CHERP: variants seen among roughly 807,000 people sequenced by gnomAD.
The protein encoded by CHERP is ERPROT 213-21.
In CHERP, 8 loss-of-function variants were observed where a neutral mutation model predicts 113.8. That is an observed-to-expected ratio of 0.07 (90% CI 0.04 to 0.13). The LOEUF (loss-of-function observed/expected upper bound fraction) is 0.13. Ranked by LOEUF, CHERP falls within the 10% of genes least tolerant of loss-of-function variation. The pLI, the probability that CHERP is intolerant of heterozygous loss-of-function variation, is 1.00. For missense variants in CHERP, 884 were observed against 1,298.2 expected (o/e 0.68, Z 4.90); for synonymous variants, 559 against 524.5 (o/e 1.07, Z -0.90).
At position 16,529,702 on chromosome 19, in the gene CHERP, CAGGCGGTGG is replaced by C; in HGVS notation, c.1066_1074del (p.Pro356_Pro358del). ...GCAGGTGCTGGGGCCGGGGGTGGAGCAGGCGGTGGAGGCGTGGCCTTGACTTCAGCCTCC... is the reference window on the plus strand; with the variant it reads ...GCAGGTGCTGGGGCCGGGGGTGGAGCAGGCGTGGCCTTGACTTCAGCCTCC... On this transcript the variant is annotated inframe_deletion, in exon 8 of 17. Transcript: ENST00000546361. The C allele has an allele frequency of 6.3e-7, 1 of 1,585,924 alleles. No homozygotes were observed. The highest frequency in any genetic ancestry group is 8.5e-7 in the Non-Finnish European group (1 of 1,170,428).
intron 7 of CHERP, 59 bp from the exon 8 acceptor site, chr19:16,529,959 G>T: frequency 6.4e-7 from 1 of 1,556,942 alleles, no homozygotes. Context: ...GCTGCCTGGC[G>T]CCAGAGGACA....
rs530682723 is a variant in CHERP, at chr19:16,519,592, C to G, written c.2557+29G>C. The G allele has an allele frequency of 9.5e-6, 15 of 1,578,880 alleles. No homozygotes were observed. The South Asian group carries it at 1.7e-4, about 17-fold the overall frequency. On this transcript the variant is annotated intron_variant, in intron 16 of 16. Transcript: ENST00000546361. The surrounding 1 kb of genome is among the most constrained non-coding windows in gnomAD (Gnocchi z 6.0). Reference sequence around the variant, plus strand: ...GGGCCCAGCACGCGTGAGGACCCATCCCGCGCCCTCCCCATTCCCTCGCCT... The same window carrying G: ...GGGCCCAGCACGCGTGAGGACCCATGCCGCGCCCTCCCCATTCCCTCGCCT...
In CHERP at chr19:16,525,987, C is replaced by T. The variant is rs2085655384; in HGVS notation, c.1306-310G>A. ...CGCGCCACAAGGTGCTCCCCGCTACCACTGCCAGACAAACGCCAGCTCCCT... is the reference window on the plus strand; with the variant it reads ...CGCGCCACAAGGTGCTCCCCGCTACTACTGCCAGACAAACGCCAGCTCCCT... On this transcript the variant is annotated intron_variant, in intron 9 of 16. Coordinates refer to ENST00000546361, the MANE Select transcript of CHERP (RefSeq NM_006387.6). This position sits in a 1 kb window ranked among gnomAD's most constrained non-coding sequence, Gnocchi z 6.5. Among the ~76,000 whole-genome samples, 1 of 152,248 alleles carries T rather than the reference C, an allele frequency of 6.6e-6. No individual in the cohort carries two copies. Among genetic ancestry groups the T allele is most frequent in the Non-Finnish European group, 1.5e-5 (1 of 68,040 alleles).
At chr19:16,542,152 G>A (rs902700489) in intron 1 of CHERP, 109 bp from the exon 2 acceptor site, 1 of 1,300,102 alleles carries the variant, frequency 7.7e-7, no homozygotes, top group Non-Finnish European at 1.0e-6. Flanking sequence ...AAGGGGGTGG[G>A]CCCCGAAGAG....
intron 10 of CHERP, among the ~76,000 whole-genome samples, chr19:16,524,367 C>T (rs2085641991): frequency 6.6e-6 from 1 of 152,036 alleles, no homozygotes; most frequent in Non-Finnish European, 1.5e-5. Flanking sequence ...CCAGCCTGGG[C>T]AACATGGTGA....
rs1599745497 is a variant in CHERP, at chr19:16,520,735, T to C, written c.2201+91A>G. On this transcript the variant is annotated intron_variant, in intron 13 of 16. Transcript: ENST00000546361. The surrounding 1 kb of genome is among the most constrained non-coding windows in gnomAD (Gnocchi z 4.0). ...CCCATAGGCACAGGCTGTGTGAGGG[T>C]GGACGTGATGAGTGTATCTGGGGTC... is the stretch of plus-strand genomic sequence containing the variant. 1.5e-6 allele frequency: 2 copies of C among 1,314,706 alleles called. No homozygotes were observed. The highest frequency in any genetic ancestry group is 2.2e-6 in the Non-Finnish European group (2 of 915,918). 81.4% of individuals were successfully genotyped at this position (1,314,706 alleles called of 1,614,324 possible).
Position 16,520,950 on chromosome 19 carries a change from C to G in CHERP, c.2115-38G>C. On this transcript the variant is annotated intron_variant, in intron 12 of 16. Transcript: ENST00000546361. This position sits in a 1 kb window ranked among gnomAD's most constrained non-coding sequence, Gnocchi z 4.0. ...GCATTCCGTGTGTGACCACGTGACACCCACCCACAAGGAAGTCGTGAAAAA... is the reference window on the plus strand; with the variant it reads ...GCATTCCGTGTGTGACCACGTGACAGCCACCCACAAGGAAGTCGTGAAAAA... 2 of 1,559,354 alleles carry G rather than the reference C, an allele frequency of 1.3e-6. No individual in the cohort carries two copies. The highest frequency in any genetic ancestry group is 8.8e-7 in the Non-Finnish European group (1 of 1,131,342).
chr19:16,541,654 G>C (rs772827965), intron 2 of CHERP: 2 of 508,916 alleles, frequency 3.9e-6, no homozygotes, highest in Non-Finnish European at 6.9e-6. Flanking sequence ...GAGCCCAGGG[G>C]GGAGGATCGA....
rs142336825 is a variant in CHERP at position 16,534,431 on chromosome 19, G to A, written c.384+1021C>T. Among the ~76,000 whole-genome samples, 990 of 152,036 alleles carry A rather than the reference G, an allele frequency of 6.5e-3. 12 individuals are homozygous for A. Among genetic ancestry groups the A allele is most frequent in the African/African-American group, 0.023 (944 of 41,460 alleles). On this transcript the variant is annotated intron_variant, in intron 3 of 16. Transcript: ENST00000546361. Reference sequence around the variant, plus strand: ...CGTGGGGTTGGTGTTTTGGAGGTTTGGTATTCTATTCCTCTCATTTTTCTG... The same window carrying A: ...CGTGGGGTTGGTGTTTTGGAGGTTTAGTATTCTATTCCTCTCATTTTTCTG...
chr19:16,528,395 T>TCC (rs2085671108), intron 8 of CHERP, 140 bp from the exon 9 acceptor site: 1 of 743,398 alleles, frequency 1.3e-6, no homozygotes, highest in African/African-American at 1.8e-5. Flanking sequence ...AAACCATGAC[T>TCC]ATCACTGGCT....
At chr19:16,528,297 G>C in intron 8 of CHERP, 42 bp from the exon 9 acceptor site, 1 of 1,526,328 alleles carries the variant, frequency 6.6e-7, no homozygotes, top group South Asian at 1.3e-5. Context: ...CCTGGCAGCA[G>C]GAGGCGCTGT....
At position 16,520,590 on chromosome 19, in the gene CHERP, C is replaced by G. The variant is rs2085603064; in HGVS notation, c.2202-83G>C. 7.4e-6 allele frequency: 11 copies of G among 1,480,524 alleles called. No individual in the cohort carries two copies. Among genetic ancestry groups the G allele is most frequent in the Non-Finnish European group, 9.2e-6 (10 of 1,086,684 alleles). 91.7% of individuals were successfully genotyped at this position (1,480,524 alleles called of 1,614,324 possible). On this transcript the variant is annotated intron_variant, in intron 13 of 16. Transcript: ENST00000546361. The surrounding 1 kb of genome is among the most constrained non-coding windows in gnomAD (Gnocchi z 4.0). Reference sequence around the variant, plus strand: ...CCTGGCCCTCAGGTTCCTAGACCACCCCAGATGCAGGGGCTCTGGCTGTGG... The same window carrying G: ...CCTGGCCCTCAGGTTCCTAGACCACGCCAGATGCAGGGGCTCTGGCTGTGG...
chr19:16,527,951 A>G (rs2085667628), intron 9 of CHERP, 129 bp downstream of exon 9: 1 of 942,798 alleles, frequency 1.1e-6, no homozygotes, highest in African/African-American at 1.7e-5. Context: ...ACCCAGCATA[A>G]GCTCTGCCAC....
intron 8 of CHERP, among the ~76,000 whole-genome samples, chr19:16,529,030 T>G (rs1305528075): frequency 1.3e-5 from 2 of 152,196 alleles, no homozygotes; most frequent in Non-Finnish European, 2.9e-5. Context: ...TTTTCAGAAG[T>G]GACACTAGAT....
At position 16,525,693 on chromosome 19, in the gene CHERP, C is replaced by T. The variant is rs1414292746; in HGVS notation, c.1306-16G>A. 1.3e-6 allele frequency: 2 copies of T among 1,490,152 alleles called. No individual in the cohort carries two copies. The highest frequency in any genetic ancestry group is 1.8e-6 in the Non-Finnish European group (2 of 1,120,028). 92.3% of individuals were successfully genotyped at this position (1,490,152 alleles called of 1,614,324 possible). A position where few individuals can be genotyped will look rare whatever the true frequency, so the allele number is the denominator to read the frequency against. On this transcript the variant is annotated splice_polypyrimidine_tract_variant and intron_variant, in intron 9 of 16. Coordinates refer to ENST00000546361, the MANE Select transcript of CHERP (RefSeq NM_006387.6). This position sits in a 1 kb window ranked among gnomAD's most constrained non-coding sequence, Gnocchi z 6.5. ...GCTCTGGCGGCTGCAAGGGAAGGGA[C>T]AGGCTTGAGCCCTGCGTGGTCTAGG...
chr19:16,522,164 T>C (rs1216956246), intron 11 of CHERP, among the ~76,000 whole-genome samples: 1 of 152,052 alleles, frequency 6.6e-6, no homozygotes, highest in Admixed American at 6.5e-5. Context: ...CTCCGTGAAG[T>C]CTGCCTGGAC....
chr19:16,537,638 A>G (rs1445391219), intron 2 of CHERP, among the ~76,000 whole-genome samples: 1 of 151,702 alleles, frequency 6.6e-6, no homozygotes, highest in East Asian at 1.9e-4. Context: ...CGAGCCACAT[A>G]GTGTCAAGGC....
Position 16,519,794 on chromosome 19 carries a change from C to T in CHERP, c.2463-79G>A, listed in dbSNP as rs1161040434. 1.8e-5 allele frequency: 22 copies of T among 1,239,746 alleles called. No individual in the cohort carries two copies. The highest frequency in any genetic ancestry group is 1.9e-4 in the Middle Eastern group (1 of 5,348). 76.8% of individuals were successfully genotyped at this position (1,239,746 alleles called of 1,614,324 possible). ...ATGACAGTGATGAGGACCTCACAGCCGCAGCTTGCGTGCATGCTCACTGTC... is the reference window on the plus strand; with the variant it reads ...ATGACAGTGATGAGGACCTCACAGCTGCAGCTTGCGTGCATGCTCACTGTC... On this transcript the variant is annotated intron_variant, in intron 15 of 16. Transcript: ENST00000546361. This position sits in a 1 kb window ranked among gnomAD's most constrained non-coding sequence, Gnocchi z 6.0.
At chr19:16,541,672 G>A (rs1440349834) in intron 2 of CHERP, 198 bp downstream of exon 2, 2 of 530,388 alleles carry the variant, frequency 3.8e-6, no homozygotes, top group East Asian at 6.4e-5. Context: ...CGAAAACCTC[G>A]TTGTTCTCCA....
Sources: gnomAD v4.1 joint callset for allele counts (sites outside exome capture counted in the v4.1 genomes callset) on GRCh38, gnomAD v4.1.1 for gene constraint, Gnocchi (gnomAD v3.1) non-coding constraint, MANE v1.5 for transcripts, NCBI Gene and HGNC (gene_info 2026-07-23, HGNC 2026-07-21) for gene names.